The following TRAP1 variants were observed in gnomAD, a reference collection of about 807,000 sequenced individuals.
TRAP1 encodes heat shock protein 75 kDa, mitochondrial.
Under a neutral mutation model 89.1 loss-of-function variants are expected in TRAP1, and 102 were observed. That is an observed-to-expected ratio of 1.15 (90% CI 0.98 to 1.35). The LOEUF is 1.35. Among genes scored for constraint, TRAP1 ranks in the 40% most tolerant of loss-of-function variants. TRAP1 has a pLI of 0.00. For synonymous variants in TRAP1, 508 were observed against 388.0 expected (o/e 1.31, Z -3.64); for missense variants, 1,256 against 945.3 (o/e 1.33, Z -4.31).
intron 3 of TRAP1, among the ~76,000 whole-genome samples, chr16:3,686,656 A>G (rs28699119): frequency 0.059 from 9,049 of 152,168 alleles, 753 homozygotes; most frequent in African/African-American, 0.19. Flanking sequence ...TTACGTGTCC[A>G]TCTGTTAATT....
intron 11 of TRAP1, among the ~76,000 whole-genome samples, chr16:3,668,645 A>G (rs922007089): frequency 6.6e-6 from 1 of 152,174 alleles, no homozygotes; most frequent in Non-Finnish European, 1.5e-5. Context: ...TCTCAGACTG[A>G]CAACGCAACC....
intron 1 of TRAP1, among the ~76,000 whole-genome samples, chr16:3,706,519 G>A (rs997338750): frequency 6.7e-6 from 1 of 148,906 alleles, no homozygotes; most frequent in Non-Finnish European, 1.5e-5. Flanking sequence ...AAGTGCAGTG[G>A]CACAATCACA....
chr16:3,703,073 A>T (rs2051391034), intron 1 of TRAP1, among the ~76,000 whole-genome samples: 1 of 147,414 alleles, frequency 6.8e-6, no homozygotes, highest in Non-Finnish European at 1.5e-5. Flanking sequence ...AAAAGCATTC[A>T]GTAAGATGGT....
At chr16:3,700,255 C>A (rs2051347583) in intron 1 of TRAP1, among the ~76,000 whole-genome samples, 1 of 151,748 alleles carries the variant, frequency 6.6e-6, no homozygotes, top group Non-Finnish European at 1.5e-5. Flanking sequence ...CCATCCTCCT[C>A]CTCCCGGGTT....
At position 3,708,873 on chromosome 16, in the gene TRAP1, T is replaced by C. The variant is rs1299530205; in HGVS notation, c.88+8548A>G. Among the ~76,000 whole-genome samples, 8 of 146,290 alleles carry C rather than the reference T, an allele frequency of 5.5e-5. No individual in the cohort carries two copies. In the South Asian group the frequency reaches 1.6e-3, roughly 30 times the overall value. On this transcript the variant is annotated intron_variant, in intron 1 of 17. Coordinates refer to ENST00000246957, the MANE Select transcript of TRAP1 (RefSeq NM_016292.3). ...CTCTGTTGCCGAGGCTGGAGTGCAG[T>C]GGTGCGATCGCGGCTCACTGCAAGC...
chr16:3,683,651 G>A (rs1053276309), intron 4 of TRAP1, among the ~76,000 whole-genome samples: 1 of 151,740 alleles, frequency 6.6e-6, no homozygotes, highest in Admixed American at 6.6e-5. Context: ...CTCTCAAAGT[G>A]CTGGGATTAC....
chr16:3,691,132 A>C (rs1343641526), intron 1 of TRAP1, 147 bp from the exon 2 acceptor site: 6 of 647,522 alleles, frequency 9.3e-6, no homozygotes, highest in Admixed American at 4.1e-5. Context: ...ACAGGACCAA[A>C]TGCCACAGTG....
At chr16:3,702,554 G>A (rs1209090727) in intron 1 of TRAP1, among the ~76,000 whole-genome samples, 1 of 151,430 alleles carries the variant, frequency 6.6e-6, no homozygotes, top group African/African-American at 2.4e-5. Context: ...ACCAGCATGG[G>A]CAAACTGGTG....
In TRAP1 at chr16:3,671,099, C is replaced by T. The variant is rs370990527; in HGVS notation, c.1235+623G>A. Among the ~76,000 whole-genome samples the T allele has an allele frequency of 4.6e-5, 7 of 152,278 alleles. No homozygotes were observed. In the South Asian group the frequency reaches 8.3e-4, roughly 18 times the overall value. On this transcript the variant is annotated intron_variant, in intron 11 of 17. Transcript: ENST00000246957. ...AAGGCCCGTTCCATGGCATGCTGCA[C>T]GTGGTGGGCTCTTGAGAGACCTCCA...
At chr16:3,675,714 G>A (rs771914089) in intron 7 of TRAP1, among the ~76,000 whole-genome samples, 17 of 152,196 alleles carry the variant, frequency 1.1e-4, no homozygotes, top group Non-Finnish European at 8.8e-5. Context: ...TGTCCAGCAG[G>A]ACACAAAGAG....
At position 3,675,331 on chromosome 16, in the gene TRAP1, G is replaced by A. The variant is rs183580010; in HGVS notation, c.881C>T (p.Thr294Ile). ...PLYLNGRRMN[T>I]LQAIWMMDPK... ...GAGGAACTCAGGGCTCACCTGCAAG[G>A]TGTTCATCCGCCTTCCATTCAAGTA... is the stretch of plus-strand genomic sequence containing the variant. The change falls in exon 8 of 18, where the codon ACC becomes ATC. Residue 294 changes from threonine (T) to isoleucine (I), a missense_variant. Transcript: ENST00000246957. The A allele has an allele frequency of 1.2e-6, 2 of 1,614,052 alleles. No homozygotes were observed. The highest frequency in any genetic ancestry group is 1.7e-6 in the Non-Finnish European group (2 of 1,179,926).
chr16:3,683,366 C>G (rs2051097728), intron 4 of TRAP1, among the ~76,000 whole-genome samples: 1 of 151,640 alleles, frequency 6.6e-6, no homozygotes, highest in South Asian at 2.1e-4. Context: ...TTAACTGTAA[C>G]CAATGTAATA....
chr16:3,704,075 T>A (rs571461078), intron 1 of TRAP1: 1 of 151,208 alleles, frequency 6.6e-6, no homozygotes, highest in Non-Finnish European at 1.5e-5. Flanking sequence ...CCAGGTGAGG[T>A]GCCTCACGCC....
intron 15 of TRAP1, 33 bp downstream of exon 15, chr16:3,662,849 C>T (rs374972381): frequency 2.4e-5 from 39 of 1,609,922 alleles, no homozygotes; most frequent in Non-Finnish European, 3.3e-5. Flanking sequence ...GACACTGCGG[C>T]CAAGTGGTGG....
At chr16:3,665,100 C>T (rs1412034303) in intron 12 of TRAP1, 10 of 152,420 alleles carry the variant, frequency 6.6e-5, no homozygotes, top group Admixed American at 5.9e-4. Flanking sequence ...ATTGATAAGA[C>T]ATGTCACACG....
chr16:3,669,279 A>C (rs755997778), intron 11 of TRAP1, among the ~76,000 whole-genome samples: 13 of 152,180 alleles, frequency 8.5e-5, no homozygotes, highest in Non-Finnish European at 1.8e-4. Context: ...ACGACCACAG[A>C]ACAGTCGCTG....
chr16:3,670,506 G>A lies in TRAP1; in HGVS notation c.1235+1216C>T, dbSNP rs186503596. Among the ~76,000 whole-genome samples, 150 of 150,854 alleles carry A rather than the reference G, an allele frequency of 9.9e-4. 1 individual carries two copies. Among genetic ancestry groups the A allele is most frequent in the African/African-American group, 3.5e-3 (142 of 41,036 alleles). ...GCTTGAGCCCAGGAGTTCAAGATCA[G>A]CCTGGGCAACATAGTGAGATCCCAA... On this transcript the variant is annotated intron_variant, in intron 11 of 17. Coordinates refer to ENST00000246957, the MANE Select transcript of TRAP1 (RefSeq NM_016292.3).
At chr16:3,708,711 G>C (rs1227653791) in intron 1 of TRAP1, among the ~76,000 whole-genome samples, 1 of 151,866 alleles carries the variant, frequency 6.6e-6, no homozygotes, top group East Asian at 2.0e-4. Context: ...GGCTACTTGT[G>C]AGGCTGAGGC....
intron 14 of TRAP1, 80 bp from the exon 15 acceptor site, chr16:3,663,047 C>T: frequency 2.8e-6 from 3 of 1,072,736 alleles, no homozygotes; most frequent in Non-Finnish European, 1.3e-6. Flanking sequence ...AGCATGCTTC[C>T]AGCTCCCACC....
Sources: gnomAD v4.1 joint callset for allele counts (sites outside exome capture counted in the v4.1 genomes callset) on GRCh38, gnomAD v4.1.1 for gene constraint, MANE v1.5 for transcripts, NCBI Gene and HGNC (gene_info 2026-07-23, HGNC 2026-07-21) for gene names.